CA10: variants seen among roughly 807,000 people sequenced by gnomAD.
CA10 encodes carbonic anhydrase 10 (inactive).
Under a neutral mutation model 44.2 loss-of-function variants are expected in CA10, and 14 were observed. The observed-to-expected ratio is 0.32, with a 90% CI of 0.21 to 0.50. The LOEUF (loss-of-function observed/expected upper bound fraction) is 0.50, where lower values mean the gene tolerates loss of function less well. CA10 is among the 20% of genes least tolerant of loss of function. CA10 has a pLI of 0.99. For missense variants in CA10, 350 were observed against 409.7 expected (o/e 0.85, Z 1.26); for synonymous variants, 159 against 141.6 (o/e 1.12, Z -0.87).
intron 3 of CA10, among the ~76,000 whole-genome samples, chr17:51,778,863 A>G (rs1230768318): frequency 6.6e-6 from 1 of 152,202 alleles, no homozygotes; most frequent in Non-Finnish European, 1.5e-5. Flanking sequence ...TAAACTGCTT[A>G]GCGGAAACTG....
chr17:52,132,045 G>C (rs1342467632), intron 1 of CA10, among the ~76,000 whole-genome samples: 1 of 151,712 alleles, frequency 6.6e-6, no homozygotes, highest in Admixed American at 6.6e-5. Flanking sequence ...AGCATTAGGA[G>C]ATATACCTAA....
At chr17:52,019,555 A>G (rs546343884) in intron 2 of CA10, among the ~76,000 whole-genome samples, 23 of 152,236 alleles carry the variant, frequency 1.5e-4, no homozygotes, top group African/African-American at 5.1e-4. Context: ...CATACACTTT[A>G]TAATTTTTTT....
chr17:51,733,970 C>G (rs1172808756), intron 4 of CA10, among the ~76,000 whole-genome samples: 2 of 151,962 alleles, frequency 1.3e-5, no homozygotes, highest in Non-Finnish European at 2.9e-5. Context: ...TGCAAAATGA[C>G]TGAGGTGTGA....
chr17:51,720,351 A>C (rs6504740), intron 4 of CA10, among the ~76,000 whole-genome samples: 99,170 of 151,926 alleles, frequency 0.65, 32,584 homozygotes, highest in Admixed American at 0.73. Flanking sequence ...CATAATGAAC[A>C]CTTTTAATCA....
intron 2 of CA10, among the ~76,000 whole-genome samples, chr17:51,996,585 A>G (rs1400395620): frequency 6.6e-6 from 1 of 152,030 alleles, no homozygotes; most frequent in Non-Finnish European, 1.5e-5. Context: ...ATATTTCAGG[A>G]TACACAAAAC....
chr17:52,158,950 G>A (rs1028058131), upstream of CA10, among the ~76,000 whole-genome samples: 9 of 152,172 alleles, frequency 5.9e-5, no homozygotes, highest in Non-Finnish European at 1.2e-4. Context: ...GGAGGAGGAG[G>A]CTGGGTGTCA....
intron 3 of CA10, among the ~76,000 whole-genome samples, chr17:51,785,564 T>C (rs751186286): frequency 7.9e-5 from 12 of 152,116 alleles, no homozygotes; most frequent in Non-Finnish European, 1.5e-4. Context: ...TGGTACACTG[T>C]TGGGAATGTA....
chr17:52,093,268 C>A (rs777924754), intron 1 of CA10, among the ~76,000 whole-genome samples: 2 of 152,144 alleles, frequency 1.3e-5, no homozygotes, highest in African/African-American at 4.8e-5. Flanking sequence ...AATTAACCAA[C>A]TCATAGAATT....
intron 3 of CA10, among the ~76,000 whole-genome samples, chr17:51,765,884 A>G (rs1349480127): frequency 6.6e-6 from 1 of 152,140 alleles, no homozygotes; most frequent in African/African-American, 2.4e-5. Context: ...GTAGTCTGAG[A>G]GCCAAGAGTA....
At chr17:51,701,242 G>C (rs80144572) in intron 4 of CA10, among the ~76,000 whole-genome samples, 1 of 151,912 alleles carries the variant, frequency 6.6e-6, no homozygotes, top group Non-Finnish European at 1.5e-5. Context: ...CCATCACTCC[G>C]GCCTCTGCCT....
chr17:51,912,523 CTCT>C (rs530329375), intron 3 of CA10, among the ~76,000 whole-genome samples: 161 of 152,308 alleles, frequency 1.1e-3, no homozygotes, highest in African/African-American at 3.6e-3. Flanking sequence ...CCTGCCATTT[CTCT>C]TCTTCATAGC....
intron 4 of CA10, among the ~76,000 whole-genome samples, chr17:51,705,956 C>T (rs959846326): frequency 6.6e-6 from 1 of 152,136 alleles, no homozygotes; most frequent in Non-Finnish European, 1.5e-5. Context: ...GGAAAAAGAA[C>T]AATCCATAAT....
chr17:52,146,413 G>A (rs186632320), intron 1 of CA10, among the ~76,000 whole-genome samples: 500 of 152,196 alleles, frequency 3.3e-3, no homozygotes, highest in Non-Finnish European at 5.6e-3. Flanking sequence ...AAAATAGGCC[G>A]GGCGCGGTGG....
In CA10 at chr17:52,005,819, G is replaced by A. The variant is rs181623711; in HGVS notation, c.136+66500C>T. Among the ~76,000 whole-genome samples, 7 of 151,856 alleles carry A rather than the reference G, an allele frequency of 4.6e-5. No individual in the cohort carries two copies. In the East Asian group the frequency reaches 7.8e-4, roughly 17 times the overall value. Reference sequence around the variant, plus strand: ...ATTAGTCATATGATAAACAACCAGCGGCTGGAGAATGGTGGGCCATAAACC... The same window carrying A: ...ATTAGTCATATGATAAACAACCAGCAGCTGGAGAATGGTGGGCCATAAACC... On this transcript the variant is annotated intron_variant, in intron 2 of 8. Coordinates refer to ENST00000451037, the MANE Select transcript of CA10 (RefSeq NM_020178.5).
At chr17:51,728,351 G>A (rs1917999) in intron 4 of CA10, among the ~76,000 whole-genome samples, 103,672 of 151,892 alleles carry the variant, frequency 0.68, 35,389 homozygotes, top group Admixed American at 0.74. Context: ...TAGAGACTAT[G>A]TTCAGTTTCT....
chr17:51,742,408 A>G (rs1186298707), intron 4 of CA10, among the ~76,000 whole-genome samples: 3 of 152,128 alleles, frequency 2.0e-5, no homozygotes, highest in Admixed American at 2.0e-4. Flanking sequence ...TTCATTGCCT[A>G]ATGGGGCCCT....
At chr17:51,919,963 A>T (rs1982164040) in intron 3 of CA10, among the ~76,000 whole-genome samples, 1 of 152,156 alleles carries the variant, frequency 6.6e-6, no homozygotes, top group South Asian at 2.1e-4. Flanking sequence ...AATGCCTGTT[A>T]GTTTTATCTG....
intron 3 of CA10, among the ~76,000 whole-genome samples, chr17:51,820,521 T>C (rs567824127): frequency 6.6e-6 from 1 of 151,344 alleles, no homozygotes; most frequent in African/African-American, 2.4e-5. Context: ...CATGTCTAGA[T>C]GAAATCTCTG....
intron 2 of CA10, among the ~76,000 whole-genome samples, chr17:52,050,885 G>A (rs1987045478): frequency 1.3e-5 from 2 of 151,954 alleles, no homozygotes; most frequent in African/African-American, 4.8e-5. Flanking sequence ...TAAATTATAA[G>A]CTGAGAGGAC....
Sources: allele counts gnomAD v4.1 joint callset (sites outside exome capture counted in the v4.1 genomes callset), GRCh38; gene constraint gnomAD v4.1.1; transcripts MANE v1.5; gene names NCBI Gene and HGNC (gene_info 2026-07-23, HGNC 2026-07-21).